SUSD1: variants seen among roughly 807,000 people sequenced by gnomAD.
SUSD1 encodes sushi domain containing 1.
A neutral mutation model predicts 86.9 loss-of-function variants in SUSD1; 65 were observed. The ratio of observed to expected loss-of-function variants is 0.75; its 90% CI spans 0.61 to 0.92. The LOEUF is 0.92. Among genes scored for constraint, SUSD1 ranks in the 40% least tolerant of loss-of-function variants. The probability of loss-of-function intolerance (pLI) is 0.00; values close to 1 mark genes in which losing one functional copy is unlikely to be tolerated. For synonymous variants in SUSD1, 346 were observed against 350.0 expected (o/e 0.99, Z 0.13); for missense variants, 850 against 929.7 (o/e 0.91, Z 1.11).
chr9:112,108,689 G>A (rs1462284870), intron 8 of SUSD1, among the ~76,000 whole-genome samples: 2 of 149,412 alleles, frequency 1.3e-5, no homozygotes, highest in African/African-American at 4.9e-5. Context: ...GAGGTGGGAG[G>A]ATCACCTGAG....
At chr9:112,105,177 A>C (rs923719932) in intron 8 of SUSD1, among the ~76,000 whole-genome samples, 26 of 152,212 alleles carry the variant, frequency 1.7e-4, no homozygotes, top group African/African-American at 5.3e-4. Context: ...AGGAAATGTC[A>C]ATGCAAAAAT....
At chr9:112,171,643 C>G (rs567783008) in intron 1 of SUSD1, among the ~76,000 whole-genome samples, 1 of 152,262 alleles carries the variant, frequency 6.6e-6, no homozygotes, top group African/African-American at 2.4e-5. Flanking sequence ...AAGGGAAACA[C>G]AGTCCTCTAA....
At chr9:112,150,647 A>G (rs1833006675) in intron 2 of SUSD1, among the ~76,000 whole-genome samples, 1 of 152,202 alleles carries the variant, frequency 6.6e-6, no homozygotes, top group Non-Finnish European at 1.5e-5. Flanking sequence ...AGCCAACTAC[A>G]CACTTAGGTT....
intron 10 of SUSD1, among the ~76,000 whole-genome samples, chr9:112,091,085 C>T (rs189493564): frequency 1.6e-4 from 25 of 152,326 alleles, no homozygotes; most frequent in African/African-American, 6.0e-4. Flanking sequence ...TCTACTCTCT[C>T]CATACTTGGC....
chr9:112,160,790 AAGAC>A (rs3032019), intron 1 of SUSD1, among the ~76,000 whole-genome samples: 71,248 of 151,634 alleles, frequency 0.47, 17,058 homozygotes, highest in African/African-American at 0.58. Context: ...CAAATTTCAG[AAGAC>A]AGACATAAGG....
intron 2 of SUSD1, among the ~76,000 whole-genome samples, chr9:112,151,991 G>A (rs1183365455): frequency 2.0e-5 from 3 of 151,634 alleles, no homozygotes; most frequent in Non-Finnish European, 2.9e-5. Context: ...CCAAGATCGC[G>A]CCATTGCACT....
chr9:112,131,391 C>T (rs1468297449), intron 5 of SUSD1, among the ~76,000 whole-genome samples: 1 of 152,212 alleles, frequency 6.6e-6, no homozygotes, highest in African/African-American at 2.4e-5. Flanking sequence ...AAGAGAGCTG[C>T]TGGAAATAGA....
intron 10 of SUSD1, among the ~76,000 whole-genome samples, chr9:112,089,754 GCGAGCTGAGAT>G (rs1409038173): frequency 1.3e-5 from 2 of 149,560 alleles, no homozygotes; most frequent in Non-Finnish European, 3.0e-5. Flanking sequence ...GGAAGTTGCA[GCGAGCTGAGAT>G]CGCGCCACTG....
intron 15 of SUSD1, among the ~76,000 whole-genome samples, chr9:112,051,408 C>CTTTTTTTTTTTTTTTTTTTTTTT (rs746946192): frequency 9.1e-5 from 7 of 77,046 alleles, no homozygotes; most frequent in Admixed American, 1.6e-4. Context: ...TTTTTCTTTT[C>CTTTTTTTTTTTTTTTTTTTTTTT]TTTTTTTTTT....
intron 1 of SUSD1, among the ~76,000 whole-genome samples, chr9:112,174,198 G>A (rs10115594): frequency 0.48 from 73,500 of 151,830 alleles, 18,206 homozygotes; most frequent in African/African-American, 0.59. Context: ...ACACTCATTT[G>A]TGGAGAGGTG....
At chr9:112,169,784 C>T (rs1833964894) in intron 1 of SUSD1, among the ~76,000 whole-genome samples, 1 of 151,540 alleles carries the variant, frequency 6.6e-6, no homozygotes, top group African/African-American at 2.4e-5. Flanking sequence ...AGGCTATTCT[C>T]CTGTCTCAGC....
At position 112,093,150 on chromosome 9, in the gene SUSD1, C is replaced by T. The variant is rs117066570; in HGVS notation, c.1474+5320G>A. Among the ~76,000 whole-genome samples the T allele has an allele frequency of 9.6e-3, 1,458 of 152,310 alleles. 12 individuals are homozygous for T. The highest frequency in any genetic ancestry group is 0.017 in the Non-Finnish European group (1,171 of 68,014). On this transcript the variant is annotated intron_variant, in intron 10 of 16. Transcript: ENST00000374270. ...GTATTAAAGGTTGCTATTTACCTGT[C>T]TTTCCAATTCCATAAGGGAAAAGGC... is the stretch of plus-strand genomic sequence containing the variant.
intron 12 of SUSD1, among the ~76,000 whole-genome samples, chr9:112,074,221 A>G (rs183790584): frequency 1.4e-3 from 216 of 151,596 alleles, no homozygotes; most frequent in African/African-American, 5.1e-3. Flanking sequence ...GTCTCAAAAC[A>G]AAAAAAAAGA....
intron 12 of SUSD1, among the ~76,000 whole-genome samples, chr9:112,070,567 C>T (rs1457648041): frequency 2.0e-5 from 3 of 152,180 alleles, no homozygotes; most frequent in Non-Finnish European, 2.9e-5. Context: ...GCTCTTTCAC[C>T]TTGGGTGTGT....
intron 2 of SUSD1, among the ~76,000 whole-genome samples, chr9:112,155,149 G>T (rs1186434818): frequency 6.6e-6 from 1 of 151,958 alleles, no homozygotes; most frequent in Non-Finnish European, 1.5e-5. Context: ...TACTCGGGAG[G>T]CTGAGGCAGG....
rs758442726 is a variant in SUSD1, at chr9:112,170,710, T to TATATATAGAGAGAGAGAG, written c.103+4422_103+4423insCTCTCTCTCTCTATATAT. 7.0e-5 allele frequency among the ~76,000 whole-genome samples: 8 copies of TATATATAGAGAGAGAGAG among 113,794 alleles called. No individual in the cohort carries two copies. The East Asian group carries it at 9.7e-4, about 14-fold the overall frequency. 74.7% of individuals were successfully genotyped at this position (113,794 alleles called of 152,430 possible). A position where few individuals can be genotyped will look rare whatever the true frequency, so the allele number is the denominator to read the frequency against. On this transcript the variant is annotated intron_variant, in intron 1 of 16. Coordinates refer to ENST00000374270, the MANE Select transcript of SUSD1 (RefSeq NM_022486.5). ...GCCAGATCATATATATATATATATATAGAGAGAGAGAGAGAGAGAGAGAGA... is the reference window on the plus strand; with the variant it reads ...GCCAGATCATATATATATATATATATATATATAGAGAGAGAGAGAGAGAGAGAGAGAGAGAGAGAGAGA...
At chr9:112,056,213 G>A (rs140159225) in intron 14 of SUSD1, among the ~76,000 whole-genome samples, 1 of 152,096 alleles carries the variant, frequency 6.6e-6, no homozygotes, top group African/African-American at 2.4e-5. Context: ...GCTGCAGTGA[G>A]CTATGATCGT....
At chr9:112,108,955 C>T (rs1257157102) in intron 8 of SUSD1, among the ~76,000 whole-genome samples, 1 of 151,814 alleles carries the variant, frequency 6.6e-6, no homozygotes, top group Non-Finnish European at 1.5e-5. Context: ...ACACGCAACC[C>T]AAACCAATCA....
intron 8 of SUSD1, among the ~76,000 whole-genome samples, chr9:112,107,938 T>C (rs1830921398): frequency 6.6e-6 from 1 of 152,214 alleles, no homozygotes; most frequent in Admixed American, 6.5e-5. Flanking sequence ...TTATTCCCCT[T>C]ACAGGCAAAC....
Sources: gnomAD v4.1 joint callset for allele counts (sites outside exome capture counted in the v4.1 genomes callset) on GRCh38, gnomAD v4.1.1 for gene constraint, MANE v1.5 for transcripts, NCBI Gene and HGNC (gene_info 2026-07-23, HGNC 2026-07-21) for gene names.